The following GABRB1 variants were observed in gnomAD, a reference collection of about 807,000 sequenced individuals.
GABRB1 encodes gamma-aminobutyric acid receptor subunit beta-1.
Under a neutral mutation model 51.6 loss-of-function variants are expected in GABRB1, and 17 were observed. That is an observed-to-expected ratio of 0.33 (90% CI 0.23 to 0.49). The LOEUF is 0.49. Among genes scored for constraint, GABRB1 ranks in the 20% least tolerant of loss-of-function variants. The pLI is 0.99. For synonymous variants in GABRB1, 247 were observed against 218.9 expected (o/e 1.13, Z -1.14); for missense variants, 410 against 600.6 (o/e 0.68, Z 3.32).
intron 3 of GABRB1, among the ~76,000 whole-genome samples, chr4:47,057,505 G>A (rs1051679729): frequency 2.0e-5 from 3 of 152,192 alleles, no homozygotes; most frequent in Non-Finnish European, 4.4e-5. Flanking sequence ...TTAGTGCTTA[G>A]GCTAAAGATG....
At chr4:47,186,395 G>C (rs1719185404) in intron 4 of GABRB1, among the ~76,000 whole-genome samples, 1 of 151,704 alleles carries the variant, frequency 6.6e-6, no homozygotes, top group South Asian at 2.1e-4. Flanking sequence ...TTTTTAGTTT[G>C]GCTAAAATTA....
intron 4 of GABRB1, among the ~76,000 whole-genome samples, chr4:47,313,882 C>G (rs1578087278): frequency 6.6e-6 from 1 of 152,078 alleles, no homozygotes; most frequent in South Asian, 2.1e-4. Context: ...TCCTCCAACC[C>G]TTACTAAATA....
At chr4:47,022,845 T>G (rs1044928283) in intron 1 of GABRB1, among the ~76,000 whole-genome samples, 1 of 151,930 alleles carries the variant, frequency 6.6e-6, no homozygotes, top group African/African-American at 2.4e-5. Context: ...AGAAAGAAAA[T>G]CAGTATATCA....
At chr4:47,007,414 G>T (rs1724441049) in intron 1 of GABRB1, among the ~76,000 whole-genome samples, 1 of 152,140 alleles carries the variant, frequency 6.6e-6, no homozygotes, top group African/African-American at 2.4e-5. Context: ...ATTATAGTGG[G>T]ATGTTTTAAC....
At chr4:47,234,057 AC>A (rs1333630641) in intron 4 of GABRB1, among the ~76,000 whole-genome samples, 1 of 152,176 alleles carries the variant, frequency 6.6e-6, no homozygotes, top group Non-Finnish European at 1.5e-5. Context: ...CACTGTTTTT[AC>A]CAGAATATTT....
At chr4:47,105,884 A>T (rs1714945710) in intron 3 of GABRB1, among the ~76,000 whole-genome samples, 1 of 152,122 alleles carries the variant, frequency 6.6e-6, no homozygotes, top group Non-Finnish European at 1.5e-5. Context: ...ATACACACTC[A>T]GCCTTCAGCA....
chr4:47,194,184 G>A (rs192569117), intron 4 of GABRB1, among the ~76,000 whole-genome samples: 17 of 152,180 alleles, frequency 1.1e-4, no homozygotes, highest in African/African-American at 3.9e-4. Context: ...TAAGTTCAAC[G>A]GTATGGAATA....
Position 47,350,216 on chromosome 4 carries a change from T to TAGAGAG in GABRB1, c.544+30008_544+30009insGAGAGA, listed in dbSNP as rs1215848383. Among the ~76,000 whole-genome samples, 687 of 73,640 alleles carry TAGAGAG rather than the reference T, an allele frequency of 9.3e-3. 2 individuals carry two copies. The highest frequency in any genetic ancestry group is 0.027 in the East Asian group (46 of 1,712). 48.3% of individuals were successfully genotyped at this position (73,640 alleles called of 152,430 possible). ...ATATATATATATATATATATATATA[T>TAGAGAG]ATAGAGAGAGAGAGAGAGAGAGAGA... On this transcript the variant is annotated intron_variant, in intron 5 of 8. Coordinates refer to ENST00000295454, the MANE Select transcript of GABRB1 (RefSeq NM_000812.4).
chr4:47,336,336 G>T (rs1725695635), intron 5 of GABRB1, among the ~76,000 whole-genome samples: 1 of 152,198 alleles, frequency 6.6e-6, no homozygotes, highest in South Asian at 2.1e-4. Flanking sequence ...TCAAATCGGT[G>T]CTAGAGGTTG....
chr4:47,203,329 G>A (rs1316557143), intron 4 of GABRB1, among the ~76,000 whole-genome samples: 1 of 152,108 alleles, frequency 6.6e-6, no homozygotes, highest in Non-Finnish European at 1.5e-5. Flanking sequence ...AACGTGTAAA[G>A]CCATTGTGAT....
chr4:47,406,451 C>T (rs1728571565), intron 7 of GABRB1, among the ~76,000 whole-genome samples: 1 of 152,206 alleles, frequency 6.6e-6, no homozygotes, highest in Non-Finnish European at 1.5e-5. Context: ...AAAATGGTTT[C>T]AACCCTTCAT....
chr4:47,173,679 G>T (rs928559972), intron 4 of GABRB1, among the ~76,000 whole-genome samples: 1 of 152,130 alleles, frequency 6.6e-6, no homozygotes. Flanking sequence ...CCCAAAAATT[G>T]TTCCCAAAGA....
chr4:47,056,185 G>A (rs1411950738), intron 3 of GABRB1, among the ~76,000 whole-genome samples: 1 of 152,120 alleles, frequency 6.6e-6, no homozygotes, highest in Non-Finnish European at 1.5e-5. Flanking sequence ...AGCCGAATAG[G>A]AATGTTACAG....
chr4:47,374,743 T>C (rs1231110919), intron 5 of GABRB1, among the ~76,000 whole-genome samples: 4 of 152,220 alleles, frequency 2.6e-5, no homozygotes, highest in Admixed American at 2.6e-4. Context: ...TAAATAGCAC[T>C]GCTGAAGGCA....
chr4:47,123,648 TTA>T (rs1304755009), intron 3 of GABRB1, among the ~76,000 whole-genome samples: 1 of 75,924 alleles, frequency 1.3e-5, no homozygotes, highest in African/African-American at 5.4e-5. Flanking sequence ...TTACATTATT[TTA>T]TATATATAAA....
chr4:47,301,725 C>T (rs1724270405), intron 4 of GABRB1, among the ~76,000 whole-genome samples: 1 of 151,808 alleles, frequency 6.6e-6, no homozygotes, highest in Non-Finnish European at 1.5e-5. Flanking sequence ...AAGGACTAAG[C>T]ATGCTGAAAA....
chr4:47,151,053 G>C (rs529139313), intron 3 of GABRB1, among the ~76,000 whole-genome samples: 6 of 152,070 alleles, frequency 3.9e-5, no homozygotes, highest in African/African-American at 1.4e-4. Flanking sequence ...GGACTATCAA[G>C]AGACTATTAC....
chr4:47,192,470 C>T (rs1342118753), intron 4 of GABRB1, among the ~76,000 whole-genome samples: 1 of 152,142 alleles, frequency 6.6e-6, no homozygotes, highest in South Asian at 2.1e-4. Flanking sequence ...ACATTTGGGT[C>T]TGTCATTTAA....
intron 5 of GABRB1, among the ~76,000 whole-genome samples, chr4:47,329,150 T>C (rs187383092): frequency 6.6e-6 from 1 of 152,162 alleles, no homozygotes; most frequent in Admixed American, 6.6e-5. Flanking sequence ...GAGAATTAAG[T>C]CCAGTTTTTA....
Sources: allele counts gnomAD v4.1 joint callset (sites outside exome capture counted in the v4.1 genomes callset), GRCh38; gene constraint gnomAD v4.1.1; transcripts MANE v1.5; gene names NCBI Gene and HGNC (gene_info 2026-07-23, HGNC 2026-07-21).